The following CMIP variants were observed in gnomAD, a reference collection of about 807,000 sequenced individuals.
CMIP encodes c-Maf inducing protein, also known as C-Maf-inducing protein.
CMIP carries 13 observed loss-of-function variants against 97.3 expected under a neutral mutation model. That is an observed-to-expected ratio of 0.13 (90% confidence interval 0.09 to 0.21). CMIP has a LOEUF of 0.21. Among genes scored for constraint, CMIP ranks in the 10% least tolerant of loss-of-function variants. CMIP has a pLI of 1.00. For synonymous variants in CMIP, 538 were observed against 436.3 expected (o/e 1.23, Z -2.91); for missense variants, 847 against 1,024.9 (o/e 0.83, Z 2.37).
At chr16:81,519,588 C>T (rs967348448) in intron 1 of CMIP, 1 of 152,252 alleles carries the variant, frequency 6.6e-6, no homozygotes, top group Admixed American at 6.5e-5. Flanking sequence ...CTTGGGTCTC[C>T]TACTTCCTGT....
chr16:81,595,308 C>G (rs953214497), intron 1 of CMIP, among the ~76,000 whole-genome samples: 2 of 151,908 alleles, frequency 1.3e-5, no homozygotes, highest in African/African-American at 4.8e-5. Flanking sequence ...TTCTGGACAT[C>G]TTACATAATT....
rs2092439397 is a variant in CMIP at position 81,652,467 on chromosome 16, G to C, written c.639+103G>C. 1 of 1,040,530 alleles carries C rather than the reference G, an allele frequency of 9.6e-7. No individual in the cohort carries two copies. The highest frequency in any genetic ancestry group is 1.6e-5 in the African/African-American group (1 of 62,116). The allele number at this position is 1,040,530 out of a possible 1,614,324, so 64.5% of individuals were successfully genotyped here. A position where few individuals can be genotyped will look rare whatever the true frequency, so the allele number is the denominator to read the frequency against. ...GCGCAGGCAGAGCTCCGTGTGGGCT[G>C]TGTTGTTGCCCTGCTGCCGAAGGAG... On this transcript the variant is annotated intron_variant, in intron 4 of 20. Transcript: ENST00000537098. The surrounding 1 kb of genome is among the most constrained non-coding windows in gnomAD (Gnocchi z 5.2).
intron 3 of CMIP, among the ~76,000 whole-genome samples, chr16:81,629,760 AG>A: frequency 6.6e-6 from 1 of 152,328 alleles, no homozygotes; most frequent in Non-Finnish European, 1.5e-5. Context: ...ACAGCGCCCA[AG>A]GGAGGCTTCC....
rs952485712 is a variant in CMIP at position 81,655,668 on chromosome 16, G to A, written c.640-2107G>A. ...GTGGGTGGCGGCGAGGGATGGATGT[G>A]TCGAGCTGCCCTTGGCAGCCCAAAA... On this transcript the variant is annotated intron_variant, in intron 4 of 20. Coordinates refer to ENST00000537098, the MANE Select transcript of CMIP (RefSeq NM_198390.3). The surrounding 1 kb of genome is among the most constrained non-coding windows in gnomAD (Gnocchi z 4.9). Among the ~76,000 whole-genome samples the A allele has an allele frequency of 2.6e-5, 4 of 152,226 alleles. No individual in the cohort carries two copies. Among genetic ancestry groups the A allele is most frequent in the Non-Finnish European group, 2.9e-5 (2 of 68,038 alleles).
At chr16:81,645,495 C>T (rs1334126073) in intron 3 of CMIP, 3 of 1,534,906 alleles carry the variant, frequency 2.0e-6, no homozygotes, top group East Asian at 4.9e-5. Context: ...GACGACTTGT[C>T]TCCCGTGGAG....
intron 1 of CMIP, among the ~76,000 whole-genome samples, chr16:81,481,232 A>T (rs1908243055): frequency 6.6e-6 from 1 of 152,180 alleles, no homozygotes; most frequent in Non-Finnish European, 1.5e-5. Context: ...AGTCTCCATT[A>T]TCCTCATGGT....
At position 81,671,993 on chromosome 16, in the gene CMIP, C is replaced by A. The variant is rs750045706; in HGVS notation, c.957C>A (p.Pro319=). 16 of 1,598,942 alleles carry A rather than the reference C, an allele frequency of 1.0e-5. No homozygotes were observed. The highest frequency in any genetic ancestry group is 1.3e-5 in the Non-Finnish European group (15 of 1,171,960). ...TGCACGGCCCCACAGGGCACTGCCC[C>A]CACCCCCGGGTCCTGCCCAACCTGG... ...QSMHGPTGHC[P]HPRVLPNLVA... is the part of the protein sequence containing the mutation. The change falls in exon 9 of 21, where the codon CCC becomes CCA. Residue 319 remains proline, a synonymous_variant. Transcript: ENST00000537098.
chr16:81,686,452 C>A (rs1905399552), intron 10 of CMIP, among the ~76,000 whole-genome samples: 1 of 152,212 alleles, frequency 6.6e-6, no homozygotes, highest in African/African-American at 2.4e-5. Flanking sequence ...TCCTCATCTG[C>A]CTCCCAGGCG....
intron 1 of CMIP, among the ~76,000 whole-genome samples, chr16:81,462,571 A>G (rs1195534708): frequency 6.6e-6 from 1 of 152,152 alleles, no homozygotes; most frequent in Non-Finnish European, 1.5e-5. Flanking sequence ...TCCTTTGGCC[A>G]GGTAAGTGTG....
intron 3 of CMIP, among the ~76,000 whole-genome samples, chr16:81,629,398 A>C (rs1417479323): frequency 1.3e-5 from 2 of 151,346 alleles, no homozygotes; most frequent in African/African-American, 4.9e-5. Flanking sequence ...CTTGCACCTG[A>C]CTCCCTCACT....
At chr16:81,486,071 G>A (rs1447177637) in intron 1 of CMIP, among the ~76,000 whole-genome samples, 1 of 152,238 alleles carries the variant, frequency 6.6e-6, no homozygotes, top group Non-Finnish European at 1.5e-5. Context: ...GCTCCCAAAG[G>A]CCACACGCAA....
At chr16:81,590,552 G>T (rs1016602251) in intron 1 of CMIP, among the ~76,000 whole-genome samples, 1 of 152,178 alleles carries the variant, frequency 6.6e-6, no homozygotes, top group Non-Finnish European at 1.5e-5. Context: ...CTTTCTTTTA[G>T]GGATGGGCCC....
chr16:81,585,176 T>C (rs989419527), intron 1 of CMIP, among the ~76,000 whole-genome samples: 29 of 152,036 alleles, frequency 1.9e-4, no homozygotes, highest in African/African-American at 6.8e-4. Flanking sequence ...ACCCTGTCTC[T>C]ACTAGAAATA....
At chr16:81,678,225 A>G (rs1904466817) in intron 9 of CMIP, 50 bp from the exon 10 acceptor site, 1 of 1,407,290 alleles carries the variant, frequency 7.1e-7, no homozygotes, top group South Asian at 1.4e-5. Context: ...GTCATGGTGC[A>G]TCATGAACGG....
chr16:81,610,389 A>C (rs1429459972), intron 2 of CMIP: 2 of 985,558 alleles, frequency 2.0e-6, no homozygotes, highest in Non-Finnish European at 2.4e-6. Context: ...TCCCGTGGAC[A>C]GCGCAGTCAG....
intron 1 of CMIP, among the ~76,000 whole-genome samples, chr16:81,570,384 C>A (rs2091065420): frequency 6.6e-6 from 1 of 152,150 alleles, no homozygotes; most frequent in Admixed American, 6.5e-5. Flanking sequence ...GGGAAGCACA[C>A]TGGCGGTGAA....
intron 1 of CMIP, among the ~76,000 whole-genome samples, chr16:81,553,438 C>T (rs989485365): frequency 1.3e-5 from 2 of 152,200 alleles, no homozygotes; most frequent in African/African-American, 4.8e-5. Context: ...CTCAGAGGTG[C>T]CTTCCTCCTC....
intron 3 of CMIP, among the ~76,000 whole-genome samples, chr16:81,628,350 G>A (rs574280297): frequency 2.0e-5 from 3 of 152,266 alleles, no homozygotes; most frequent in South Asian, 2.1e-4. Context: ...AGCCCAAGCC[G>A]AGCCCCCAGT....
Position 81,678,458 on chromosome 16 carries a change from G to A in CMIP, c.1218G>A (p.Val406=). 1.9e-6 allele frequency: 3 copies of A among 1,591,390 alleles called. No homozygotes were observed. Among genetic ancestry groups the A allele is most frequent in the South Asian group, 1.1e-5 (1 of 87,978 alleles). The change falls in exon 10 of 21, where the codon GTG becomes GTA. Residue 406 remains valine (V), a synonymous_variant. Transcript: ENST00000537098. ...VVASSEIHVE[V]ERTSTAKPAL... ...CCTCCAGTGAGATCCACGTGGAGGT[G>A]GAACGCACCAGCACTGCCAAGCCGG...
Sources: gnomAD v4.1 joint callset for allele counts (sites outside exome capture counted in the v4.1 genomes callset) on GRCh38, gnomAD v4.1.1 for gene constraint, Gnocchi (gnomAD v3.1) non-coding constraint, MANE v1.5 for transcripts, NCBI Gene and HGNC (gene_info 2026-07-23, HGNC 2026-07-21) for gene names.